CNBD1: variants seen among roughly 807,000 people sequenced by gnomAD.
The protein encoded by CNBD1 is cyclic nucleotide binding domain containing 1, also known as cyclic nucleotide-binding domain-containing protein 1.
Under a neutral mutation model 54.4 loss-of-function variants are expected in CNBD1, and 71 were observed. That is an observed-to-expected ratio of 1.30 (90% confidence interval 1.08 to 1.59). CNBD1 has a LOEUF of 1.59. Ranked by LOEUF, CNBD1 falls within the 40% of genes most tolerant of loss-of-function variation. The pLI is 0.00. For missense variants in CNBD1, 659 were observed against 518.0 expected (o/e 1.27, Z -2.64); for synonymous variants, 182 against 170.7 (o/e 1.07, Z -0.51).
At chr8:86,924,045 T>G (rs545518797) in intron 3 of CNBD1, among the ~76,000 whole-genome samples, 1 of 152,204 alleles carries the variant, frequency 6.6e-6, no homozygotes, top group Non-Finnish European at 1.5e-5. Context: ...GTTCAAAGTT[T>G]GTAAATTTCA....
intron 4 of CNBD1, among the ~76,000 whole-genome samples, chr8:87,113,076 AG>A (rs1395634390): frequency 6.6e-6 from 1 of 152,204 alleles, no homozygotes; most frequent in Non-Finnish European, 1.5e-5. Context: ...CAGAAGCAAA[AG>A]ATCTGGGCAT....
At chr8:87,357,246 G>A (rs149005802) in intron 10 of CNBD1, among the ~76,000 whole-genome samples, 1 of 152,264 alleles carries the variant, frequency 6.6e-6, no homozygotes, top group East Asian at 1.9e-4. Flanking sequence ...TTGGGGCACT[G>A]CCTAGTGAAC....
intron 10 of CNBD1, among the ~76,000 whole-genome samples, chr8:87,379,815 G>A (rs1018887268): frequency 1.3e-5 from 2 of 151,898 alleles, no homozygotes; most frequent in Non-Finnish European, 2.9e-5. Flanking sequence ...TAAGGAAGTT[G>A]AAGTAGAATT....
In CNBD1 at chr8:87,174,311, G is replaced by C. The variant is rs1366518190; in HGVS notation, c.432-31682G>C. Among the ~76,000 whole-genome samples the C allele has an allele frequency of 3.3e-5, 5 of 151,982 alleles. No homozygotes were observed. In the East Asian group the frequency reaches 9.7e-4, roughly 29 times the overall value. ...CTCTGTGTATTTTCAAATAACCTGT[G>C]TTCAAGCTCACGAATTCTTTCTTTG... On this transcript the variant is annotated intron_variant, in intron 4 of 10. Transcript: ENST00000518476.
chr8:87,427,550 G>C (rs531456972), intron 2 of CNBD1, among the ~76,000 whole-genome samples: 7 of 152,032 alleles, frequency 4.6e-5, no homozygotes, highest in Non-Finnish European at 8.8e-5. Flanking sequence ...GAATAAAAAT[G>C]ATCAAAACAG....
At chr8:87,339,762 C>G (rs530903678) in intron 8 of CNBD1, among the ~76,000 whole-genome samples, 1 of 152,166 alleles carries the variant, frequency 6.6e-6, no homozygotes, top group South Asian at 2.1e-4. Context: ...AAACTGATAA[C>G]AATTTAAGTG....
intron 3 of CNBD1, among the ~76,000 whole-genome samples, chr8:86,916,592 T>A (rs1563820920): frequency 6.6e-6 from 1 of 152,180 alleles, no homozygotes; most frequent in Non-Finnish European, 1.5e-5. Flanking sequence ...GTAAGTCTAC[T>A]TCACCCAATT....
At chr8:87,314,179 G>A (rs1217877819) in intron 8 of CNBD1, among the ~76,000 whole-genome samples, 1 of 151,594 alleles carries the variant, frequency 6.6e-6, no homozygotes, top group Admixed American at 6.6e-5. Flanking sequence ...ATTATTTATG[G>A]ATCTAAAATG....
chr8:87,003,873 C>T (rs1419905347), intron 4 of CNBD1, among the ~76,000 whole-genome samples: 1 of 152,090 alleles, frequency 6.6e-6, no homozygotes, highest in East Asian at 1.9e-4. Flanking sequence ...AAAGTGTGGG[C>T]AGAAATACTC....
At chr8:86,977,595 G>A (rs1312267022) in intron 4 of CNBD1, among the ~76,000 whole-genome samples, 1 of 152,048 alleles carries the variant, frequency 6.6e-6, no homozygotes, top group Non-Finnish European at 1.5e-5. Flanking sequence ...TATGAGACTA[G>A]TATAAAAATT....
chr8:86,966,131 G>A (rs77119651), intron 4 of CNBD1, among the ~76,000 whole-genome samples: 5 of 152,180 alleles, frequency 3.3e-5, no homozygotes, highest in Non-Finnish European at 5.9e-5. Context: ...CCCCACTCTG[G>A]TCTGCAGGAC....
chr8:87,311,602 T>C (rs898725450), intron 8 of CNBD1, among the ~76,000 whole-genome samples: 5 of 152,080 alleles, frequency 3.3e-5, no homozygotes, highest in Non-Finnish European at 7.4e-5. Context: ...TGAGTATATA[T>C]CTAAAATAAA....
intron 4 of CNBD1, among the ~76,000 whole-genome samples, chr8:86,973,776 A>G (rs1303292481): frequency 6.6e-6 from 1 of 152,196 alleles, no homozygotes; most frequent in Non-Finnish European, 1.5e-5. Context: ...GTCTGAGAGC[A>G]CTATTGACTC....
In CNBD1 at chr8:87,376,922, A is replaced by T. The variant is rs573471414; in HGVS notation, c.1304-5698A>T. Among the ~76,000 whole-genome samples, 5 of 151,820 alleles carry T rather than the reference A, an allele frequency of 3.3e-5. No homozygotes were observed. In the East Asian group the frequency reaches 7.8e-4, roughly 24 times the overall value. On this transcript the variant is annotated intron_variant, in intron 10 of 10. Transcript: ENST00000518476. ...AAGAAGAAATAATTTACTTGAGGAC[A>T]CATGTCTAACCACTGTTAGAGCACA...
intron 5 of CNBD1, among the ~76,000 whole-genome samples, chr8:87,211,796 G>C (rs543938705): frequency 1.3e-5 from 2 of 152,276 alleles, no homozygotes; most frequent in African/African-American, 4.8e-5. Context: ...AAATGACCCA[G>C]TCTCATGTGT....
chr8:87,000,455 T>G (rs1265921614), intron 4 of CNBD1, among the ~76,000 whole-genome samples: 1 of 152,172 alleles, frequency 6.6e-6, no homozygotes, highest in Non-Finnish European at 1.5e-5. Flanking sequence ...ACAAGTATGG[T>G]CTCTGGAACC....
chr8:87,225,475 T>C lies in CNBD1; in HGVS notation c.578-11444T>C, dbSNP rs560549889. 4.0e-5 allele frequency among the ~76,000 whole-genome samples: 6 copies of C among 150,816 alleles called. No homozygotes were observed. In the South Asian group the frequency reaches 1.0e-3, roughly 26 times the overall value. ...GGGTTGTTGAATTTTGTCAAAGGCC[T>C]TTTCTGCATCTATTGAGATAATCAT... On this transcript the variant is annotated intron_variant, in intron 5 of 10. Transcript: ENST00000518476.
At chr8:87,382,480 T>A in intron 10 of CNBD1, 140 bp from the exon 11 acceptor site, 1 of 586,530 alleles carries the variant, frequency 1.7e-6, no homozygotes, top group Middle Eastern at 3.3e-4. Flanking sequence ...GAATAAGCTC[T>A]GACAATATTA....
chr8:86,953,256 G>A (rs1456870187), intron 4 of CNBD1, among the ~76,000 whole-genome samples: 1 of 152,118 alleles, frequency 6.6e-6, no homozygotes, highest in Non-Finnish European at 1.5e-5. Context: ...CTTAATAATT[G>A]GGTAGGAAAA....
Sources: allele counts gnomAD v4.1 joint callset (sites outside exome capture counted in the v4.1 genomes callset), GRCh38; gene constraint gnomAD v4.1.1; transcripts MANE v1.5; gene names NCBI Gene and HGNC (gene_info 2026-07-23, HGNC 2026-07-21).